Variants in DISP1 observed in about 807,000 individuals in gnomAD.
DISP1 encodes the protein protein dispatched homolog 1.
Under a neutral mutation model 37.3 loss-of-function variants are expected in DISP1, and 30 were observed. The observed-to-expected ratio is 0.80, with a 90% CI of 0.60 to 1.09. The LOEUF (loss-of-function observed/expected upper bound fraction) is 1.09. Among genes scored for constraint, DISP1 ranks in the 50% least tolerant of loss-of-function variants. The probability of loss-of-function intolerance (pLI) is 0.00; values close to 1 mark genes in which losing one functional copy is unlikely to be tolerated. For missense variants in DISP1, 1,598 were observed against 1,879.5 expected (o/e 0.85, Z 2.77); for synonymous variants, 634 against 690.2 (o/e 0.92, Z 1.28).
intron 2 of DISP1, among the ~76,000 whole-genome samples, chr1:222,936,831 A>ATTTATAT (rs1275226318): frequency 4.3e-5 from 1 of 23,112 alleles, no homozygotes; most frequent in Non-Finnish European, 8.7e-5. Flanking sequence ...AATATATATA[A>ATTTATAT]ATTATATATA....
intron 1 of DISP1, among the ~76,000 whole-genome samples, chr1:222,889,929 G>C (rs1670849715): frequency 6.6e-6 from 1 of 151,922 alleles, no homozygotes; most frequent in Non-Finnish European, 1.5e-5. Flanking sequence ...TGTTTTATTG[G>C]CATATGTTTC....
At chr1:222,869,580 T>C (rs1669405868) in intron 1 of DISP1, among the ~76,000 whole-genome samples, 1 of 152,174 alleles carries the variant, frequency 6.6e-6, no homozygotes, top group South Asian at 2.1e-4. Flanking sequence ...TCTGAGGAGC[T>C]AGCAAAGCTT....
At chr1:222,997,309 G>A (rs1168305935) in intron 8 of DISP1, among the ~76,000 whole-genome samples, 1 of 152,064 alleles carries the variant, frequency 6.6e-6, no homozygotes, top group Non-Finnish European at 1.5e-5. Flanking sequence ...CCAGCAGCCA[G>A]AGCAAAAAGG....
At chr1:222,894,767 C>T (rs1671152116) in intron 1 of DISP1, among the ~76,000 whole-genome samples, 1 of 152,226 alleles carries the variant, frequency 6.6e-6, no homozygotes, top group African/African-American at 2.4e-5. Flanking sequence ...ACAGGCACCA[C>T]GAACCCGGCT....
intron 1 of DISP1, among the ~76,000 whole-genome samples, chr1:222,885,684 G>A (rs772959135): frequency 1.3e-4 from 19 of 151,878 alleles, no homozygotes; most frequent in South Asian, 2.1e-4. Flanking sequence ...TATGTTGCCC[G>A]GGCTCCTGGT....
At chr1:222,979,742 G>C (rs551045277) in intron 3 of DISP1, 1 of 458,402 alleles carries the variant, frequency 2.2e-6, no homozygotes, top group Non-Finnish European at 4.6e-6. Context: ...CCTGCACTCC[G>C]TCCCTCTATG....
intron 1 of DISP1, among the ~76,000 whole-genome samples, chr1:222,862,841 C>G (rs139571041): frequency 1.2e-4 from 19 of 152,182 alleles, no homozygotes; most frequent in Non-Finnish European, 2.6e-4. Context: ...TCAGTCGTAT[C>G]TTTTGCAGCT....
intron 3 of DISP1, among the ~76,000 whole-genome samples, chr1:222,978,624 G>T (rs1677590456): frequency 1.3e-5 from 2 of 152,092 alleles, no homozygotes; most frequent in Non-Finnish European, 2.9e-5. Flanking sequence ...GTATTGCCTA[G>T]GTTTTCTTCT....
rs191502830 is a variant in DISP1, at chr1:222,836,854, G to A, written c.-159+21776G>A. The A allele has an allele frequency of 4.2e-4, 153 of 364,358 alleles. No homozygotes were observed. The Admixed American group carries it at 4.7e-3, about 11-fold the overall frequency. 22.6% of individuals were successfully genotyped at this position (364,358 alleles called of 1,614,324 possible). A position where few individuals can be genotyped will look rare whatever the true frequency, so the allele number is the denominator to read the frequency against. On this transcript the variant is annotated intron_variant, in intron 1 of 8. Coordinates refer to ENST00000675850, the MANE Select transcript of DISP1 (RefSeq NM_001377229.1). ...GAGACAGAAGAGGAGTTGAATCCTG[G>A]CTTAATCATTGCTGGCTATGTGGCC...
At chr1:222,816,210 T>G (rs925016065) in intron 1 of DISP1, among the ~76,000 whole-genome samples, 1 of 151,976 alleles carries the variant, frequency 6.6e-6, no homozygotes, top group African/African-American at 2.4e-5. Flanking sequence ...GTTTGGTATG[T>G]GGGCTCATTA....
chr1:222,942,296 A>G (rs1463425907), intron 2 of DISP1, among the ~76,000 whole-genome samples: 2 of 152,186 alleles, frequency 1.3e-5, no homozygotes, highest in Non-Finnish European at 2.9e-5. Flanking sequence ...GGGAAAAATC[A>G]TATATTCTTG....
At chr1:222,847,716 C>T (rs1167920509) in intron 1 of DISP1, among the ~76,000 whole-genome samples, 2 of 152,190 alleles carry the variant, frequency 1.3e-5, no homozygotes, top group African/African-American at 2.4e-5. Flanking sequence ...ACCCCCACCC[C>T]CAATAGCCAT....
intron 1 of DISP1, among the ~76,000 whole-genome samples, chr1:222,912,631 C>G (rs74890681): frequency 0.068 from 10,312 of 152,060 alleles, 386 homozygotes; most frequent in Non-Finnish European, 0.075. Context: ...TTTCTGTTTG[C>G]CTTGGTTTCC....
chr1:222,997,793 C>T (rs1030628203), intron 8 of DISP1, among the ~76,000 whole-genome samples: 1 of 152,084 alleles, frequency 6.6e-6, no homozygotes, highest in African/African-American at 2.4e-5. Context: ...TATCTATATG[C>T]TTTGGCAGTT....
In DISP1 at chr1:222,892,321, C is replaced by T. The variant is rs1384253733; in HGVS notation, c.-158-36109C>T. On this transcript the variant is annotated intron_variant, in intron 1 of 8. Transcript: ENST00000675850. Reference sequence around the variant, plus strand: ...GAGGAACACAGGACAGAAAGCTTCACGTCTTATTGTGGCTTTGCCGTGTAC... The same window carrying T: ...GAGGAACACAGGACAGAAAGCTTCATGTCTTATTGTGGCTTTGCCGTGTAC... Among the ~76,000 whole-genome samples the T allele has an allele frequency of 6.6e-5, 10 of 152,276 alleles. No individual in the cohort carries two copies. In the South Asian group the frequency reaches 1.7e-3, roughly 25 times the overall value.
At chr1:222,855,341 A>T (rs1420717449) in intron 1 of DISP1, among the ~76,000 whole-genome samples, 1 of 152,238 alleles carries the variant, frequency 6.6e-6, no homozygotes, top group Non-Finnish European at 1.5e-5. Context: ...CTGTTAGAAA[A>T]GAAAGATTTA....
chr1:223,004,564 A>T lies in DISP1; in HGVS notation c.3167A>T (p.Tyr1056Phe). Residue 1056 changes from tyrosine to phenylalanine, a missense_variant, in exon 9 of 9, where the codon TAT becomes TTT. Transcript: ENST00000675850. The surrounding 1 kb of genome is among the most constrained non-coding windows in gnomAD (Gnocchi z 4.9). ...TTGTCTGTAGACTTTGCCGTCCATTATGGGGTTGCCTACCGCTTGGCTCCA... is the reference window on the plus strand; with the variant it reads ...TTGTCTGTAGACTTTGCCGTCCATTTTGGGGTTGCCTACCGCTTGGCTCCA... ...VGLSVDFAVH[Y>F]GVAYRLAPDP... is the part of the protein sequence containing the mutation. The T allele has an allele frequency of 6.2e-7, 1 of 1,613,998 alleles. No individual in the cohort carries two copies. Among genetic ancestry groups the T allele is most frequent in the South Asian group, 1.1e-5 (1 of 91,054 alleles).
intron 3 of DISP1, among the ~76,000 whole-genome samples, chr1:222,949,398 A>T (rs1675045961): frequency 6.6e-6 from 1 of 152,138 alleles, no homozygotes; most frequent in Non-Finnish European, 1.5e-5. Context: ...TCAAAAAAAA[A>T]AATACATAAA....
rs916971100 is a variant in DISP1 at position 222,998,919 on chromosome 1, C to G, written c.988-3466C>G. Among the ~76,000 whole-genome samples, 3 of 152,084 alleles carry G rather than the reference C, an allele frequency of 2.0e-5. No homozygotes were observed. The East Asian group carries it at 5.8e-4, about 29-fold the overall frequency. On this transcript the variant is annotated intron_variant, in intron 8 of 8. Transcript: ENST00000675850. ...AGAGCCCTTGCTTTTTCTTTTCTCC[C>G]GAGGCTCCCCTTAAACGTTTAATAC...
Sources: allele counts gnomAD v4.1 joint callset (sites outside exome capture counted in the v4.1 genomes callset), GRCh38; gene constraint gnomAD v4.1.1; non-coding constraint Gnocchi (gnomAD v3.1); transcripts MANE v1.5; gene names NCBI Gene and HGNC (gene_info 2026-07-23, HGNC 2026-07-21).